The following SSBP2 variants were observed in gnomAD, a reference collection of about 807,000 sequenced individuals.
The protein encoded by SSBP2 is single-stranded DNA-binding protein 2.
A neutral mutation model predicts 61.8 loss-of-function variants in SSBP2; 17 were observed. That is an observed-to-expected ratio of 0.28 (90% CI 0.19 to 0.41). The LOEUF (loss-of-function observed/expected upper bound fraction) is 0.41, where lower values mean the gene tolerates loss of function less well. SSBP2 is among the 10% of genes least tolerant of loss of function. The probability of loss-of-function intolerance (pLI) is 1.00; values close to 1 mark genes in which losing one functional copy is unlikely to be tolerated. For synonymous variants in SSBP2, 139 were observed against 141.3 expected (o/e 0.98, Z 0.12); for missense variants, 310 against 458.7 (o/e 0.68, Z 2.96).
intron 1 of SSBP2, among the ~76,000 whole-genome samples, chr5:81,728,877 G>A (rs1038695934): frequency 6.6e-6 from 1 of 152,116 alleles, no homozygotes; most frequent in East Asian, 1.9e-4. Context: ...GCTATAACCA[G>A]TAACAAAGAA....
At chr5:81,536,392 C>T (rs1008553013) in intron 4 of SSBP2, among the ~76,000 whole-genome samples, 1 of 152,022 alleles carries the variant, frequency 6.6e-6, no homozygotes, top group Non-Finnish European at 1.5e-5. Context: ...CATGGGGGTT[C>T]GTTGTACAGG....
chr5:81,444,324 C>T (rs1039291369), intron 12 of SSBP2, among the ~76,000 whole-genome samples: 1 of 152,160 alleles, frequency 6.6e-6, no homozygotes, highest in Non-Finnish European at 1.5e-5. Context: ...CTTTCTTCCT[C>T]CAAACACCTT....
intron 4 of SSBP2, among the ~76,000 whole-genome samples, chr5:81,525,916 C>A (rs1414506178): frequency 6.6e-6 from 1 of 152,034 alleles, no homozygotes. Context: ...TTCTTTAAAA[C>A]GTCTTTGTCA....
rs532291288 is a variant in SSBP2 at position 81,521,233 on chromosome 5, C to A, written c.283-7516G>T. Among the ~76,000 whole-genome samples the A allele has an allele frequency of 2.6e-5, 4 of 152,044 alleles. No homozygotes were observed. The South Asian group carries it at 8.3e-4, about 32-fold the overall frequency. On this transcript the variant is annotated intron_variant, in intron 4 of 16. Transcript: ENST00000320672. ...CTAGCTTATTTTTCCTATTCTATATCTCCCTCTTCCATGTCCCAATCCTTA... is the reference window on the plus strand; with the variant it reads ...CTAGCTTATTTTTCCTATTCTATATATCCCTCTTCCATGTCCCAATCCTTA...
chr5:81,503,840 T>C (rs1423053900), intron 5 of SSBP2, among the ~76,000 whole-genome samples: 1 of 152,156 alleles, frequency 6.6e-6, no homozygotes, highest in Non-Finnish European at 1.5e-5. Context: ...TGCAGGAACA[T>C]GGATGGAGCT....
chr5:81,479,649 G>A (rs752955352), intron 6 of SSBP2, among the ~76,000 whole-genome samples: 2 of 151,926 alleles, frequency 1.3e-5, no homozygotes, highest in Non-Finnish European at 2.9e-5. Flanking sequence ...TAATGAGGAG[G>A]GTACTTAATA....
intron 4 of SSBP2, 44 bp downstream of exon 4, chr5:81,615,429 A>G (rs1362537864): frequency 7.1e-7 from 1 of 1,411,746 alleles, no homozygotes; most frequent in Admixed American, 1.7e-5. Context: ...GTGGTTAAAC[A>G]GAAAACTGAC....
At position 81,414,179 on chromosome 5, in the gene SSBP2, T is replaced by C. The variant is rs1330498368; in HGVS notation, c.*6325A>G. 6.6e-6 allele frequency: 1 copy of C among 152,118 alleles called. No homozygotes were observed. The highest frequency in any genetic ancestry group is 1.5e-5 in the Non-Finnish European group (1 of 67,980). 9.4% of individuals were successfully genotyped at this position (152,118 alleles called of 1,614,324 possible). ...ATGAGTCCAACCTTTATTCTGATAA[T>C]AGCCAGTAAATTTGCAAAGAGAGGA... On this transcript the variant is annotated 3_prime_UTR_variant, in exon 17 of 17. Transcript: ENST00000320672.
At chr5:81,651,335 T>C (rs983543498) in intron 1 of SSBP2, among the ~76,000 whole-genome samples, 1 of 152,158 alleles carries the variant, frequency 6.6e-6, no homozygotes, top group Non-Finnish European at 1.5e-5. Flanking sequence ...ATTGATGGCA[T>C]TTACAAAAAT....
chr5:81,693,617 A>G lies in SSBP2; in HGVS notation c.63-43278T>C, dbSNP rs12520757. 7.0e-3 allele frequency among the ~76,000 whole-genome samples: 1,061 copies of G among 152,342 alleles called. 32 individuals are homozygous for G. Among genetic ancestry groups the G allele is most frequent in the East Asian group, 0.046 (240 of 5,184 alleles). On this transcript the variant is annotated intron_variant, in intron 1 of 16. Transcript: ENST00000320672. ...GATCATCAGAGAAAAACCAAACAAA[A>G]GTTCAATGAGTTATCACCTCACTTC...
chr5:81,703,507 T>C (rs1473977227), intron 1 of SSBP2, among the ~76,000 whole-genome samples: 2 of 152,082 alleles, frequency 1.3e-5, no homozygotes, highest in Non-Finnish European at 2.9e-5. Context: ...CATGTATACA[T>C]ATGTAACTAA....
At chr5:81,473,652 G>A (rs951810075) in intron 8 of SSBP2, 48 bp downstream of exon 8, 7 of 1,514,414 alleles carry the variant, frequency 4.6e-6, no homozygotes, top group Non-Finnish European at 5.5e-6. Flanking sequence ...ATGGGCATTT[G>A]GGTTGGTTCC....
intron 6 of SSBP2, among the ~76,000 whole-genome samples, chr5:81,479,813 A>C (rs1040721439): frequency 6.6e-6 from 1 of 152,336 alleles, no homozygotes; most frequent in East Asian, 1.9e-4. Context: ...CTGAGGTTTA[A>C]TATGTAACTA....
At chr5:81,606,395 A>G (rs1040290981) in intron 4 of SSBP2, among the ~76,000 whole-genome samples, 6 of 152,162 alleles carry the variant, frequency 3.9e-5, no homozygotes, top group Admixed American at 2.0e-4. Flanking sequence ...TTAGAAAGTA[A>G]GAGGGTTCCA....
chr5:81,474,508 T>C lies in SSBP2; in HGVS notation c.487A>G (p.Thr163Ala), dbSNP rs143347279. 3.7e-6 allele frequency: 6 copies of C among 1,612,440 alleles called. No homozygotes were observed. The African/African-American group carries it at 8.0e-5, about 22-fold the overall frequency. The change falls in exon 7 of 17, where the codon ACT (threonine) becomes GCT (alanine). Residue 163 changes from threonine to alanine, a missense_variant. Transcript: ENST00000320672. ...TTAGAGTAGTCACCTTGTTGTCGAG[T>C]TGGATCCATTCCACTGGGGAGTAAT...
intron 1 of SSBP2, among the ~76,000 whole-genome samples, chr5:81,691,041 A>C (rs1753167417): frequency 6.6e-6 from 1 of 152,114 alleles, no homozygotes; most frequent in South Asian, 2.1e-4. Context: ...GGAACACAAC[A>C]TACCAAAACC....
At chr5:81,747,202 G>C (rs1757414674) in intron 1 of SSBP2, among the ~76,000 whole-genome samples, 1 of 152,098 alleles carries the variant, frequency 6.6e-6, no homozygotes, top group African/African-American at 2.4e-5. Context: ...ATTATGTAAT[G>C]CTGTTCCCTA....
intron 1 of SSBP2, among the ~76,000 whole-genome samples, chr5:81,676,748 AATAATT>A (rs1752017675): frequency 6.6e-6 from 1 of 152,162 alleles, no homozygotes; most frequent in South Asian, 2.1e-4. Flanking sequence ...TACGCAAATA[AATAATT>A]ATGACTGAGT....
intron 3 of SSBP2, 153 bp downstream of exon 3, chr5:81,636,404 G>T: frequency 1.9e-6 from 1 of 516,178 alleles, no homozygotes; most frequent in Non-Finnish European, 3.4e-6. Flanking sequence ...TTACACTAGT[G>T]CTGGTTTTTA....
Sources: allele counts gnomAD v4.1 joint callset (sites outside exome capture counted in the v4.1 genomes callset), GRCh38; gene constraint gnomAD v4.1.1; transcripts MANE v1.5; gene names NCBI Gene and HGNC (gene_info 2026-07-23, HGNC 2026-07-21).